Variants in CCDC7 observed in about 807,000 individuals in gnomAD.
The protein encoded by CCDC7 is coiled-coil domain containing 7.
Under a neutral mutation model 196.9 loss-of-function variants are expected in CCDC7, and 183 were observed. The observed-to-expected ratio is 0.93, with a 90% CI of 0.82 to 1.05. The LOEUF (loss-of-function observed/expected upper bound fraction) is 1.05. Among genes scored for constraint, CCDC7 ranks in the 50% least tolerant of loss-of-function variants. The pLI is 0.00. For synonymous variants in CCDC7, 525 were observed against 484.6 expected (o/e 1.08, Z -1.10); for missense variants, 1,540 against 1,482.2 (o/e 1.04, Z -0.64).
At chr10:32,671,699 C>T (rs1292017441) in intron 21 of CCDC7, among the ~76,000 whole-genome samples, 1 of 152,100 alleles carries the variant, frequency 6.6e-6, no homozygotes, top group Non-Finnish European at 1.5e-5. Context: ...GCAGCAGTCA[C>T]CTCTTGTAGC....
At chr10:32,503,264 AT>A (rs55644714) in intron 9 of CCDC7, among the ~76,000 whole-genome samples, 17,310 of 152,164 alleles carry the variant, frequency 0.11, 1,185 homozygotes, top group South Asian at 0.27. Flanking sequence ...GTTGAGTATA[AT>A]AATGTTAGCT....
chr10:32,754,618 A>C (rs2076130449), intron 28 of CCDC7, among the ~76,000 whole-genome samples: 1 of 152,216 alleles, frequency 6.6e-6, no homozygotes, highest in Non-Finnish European at 1.5e-5. Flanking sequence ...CTGCATATTA[A>C]AAAGCTGCAT....
At chr10:32,822,180 C>G (rs910710143) in intron 31 of CCDC7, among the ~76,000 whole-genome samples, 1 of 152,046 alleles carries the variant, frequency 6.6e-6, no homozygotes, top group African/African-American at 2.4e-5. Flanking sequence ...ATTTGAAGCC[C>G]CCTAAAAAAG....
At chr10:32,785,895 G>A (rs931856713) in intron 29 of CCDC7, among the ~76,000 whole-genome samples, 12 of 152,082 alleles carry the variant, frequency 7.9e-5, no homozygotes, top group Non-Finnish European at 1.5e-4. Context: ...GTTTCAGGGA[G>A]CTAGTCTTCG....
chr10:32,667,568 G>C (rs1053763538), intron 21 of CCDC7, among the ~76,000 whole-genome samples: 2 of 152,154 alleles, frequency 1.3e-5, no homozygotes, highest in Non-Finnish European at 2.9e-5. Context: ...AAGGGATCCA[G>C]TTTCAGCTTT....
At chr10:32,853,091 T>A (rs7901143) in intron 40 of CCDC7, among the ~76,000 whole-genome samples, 20,933 of 152,158 alleles carry the variant, frequency 0.14, 1,737 homozygotes, top group East Asian at 0.25. Context: ...TGGGGTTCAC[T>A]TGTTACTTCA....
intron 18 of CCDC7, among the ~76,000 whole-genome samples, chr10:32,589,783 C>T (rs1186263401): frequency 6.6e-6 from 1 of 152,154 alleles, no homozygotes; most frequent in African/African-American, 2.4e-5. Context: ...GCTAAATTTA[C>T]CCCTTTATCA....
At chr10:32,595,607 C>A (rs2138055355) in intron 18 of CCDC7, among the ~76,000 whole-genome samples, 1 of 152,184 alleles carries the variant, frequency 6.6e-6, no homozygotes, top group East Asian at 1.9e-4. Context: ...TTTGCTCTTG[C>A]TTCTCTAGTT....
At chr10:32,470,433 C>T (rs1418668188) in intron 5 of CCDC7, among the ~76,000 whole-genome samples, 1 of 152,150 alleles carries the variant, frequency 6.6e-6, no homozygotes, top group Non-Finnish European at 1.5e-5. Flanking sequence ...TTTTTGGACA[C>T]TCATTCTTGC....
chr10:32,676,018 T>C (rs997715670), intron 21 of CCDC7, among the ~76,000 whole-genome samples: 4 of 151,682 alleles, frequency 2.6e-5, no homozygotes, highest in African/African-American at 9.7e-5. Context: ...AAGAGCATGG[T>C]ACTGGTACCA....
In CCDC7 at chr10:32,508,021, G is replaced by A. The variant is rs536073019; in HGVS notation, c.873-9924G>A. On this transcript the variant is annotated intron_variant, in intron 9 of 41. Coordinates refer to ENST00000639629, the Ensembl canonical transcript of CCDC7. ...AATGTAGTACCAGAAGTCAAATGCA[G>A]TAGCCAAGCAATTAGTCAAGAAAAA... Among the ~76,000 whole-genome samples the A allele has an allele frequency of 3.5e-4, 54 of 152,318 alleles. 1 individual carries two copies. The South Asian group carries it at 0.011, about 30-fold the overall frequency.
chr10:32,527,480 T>C (rs780606613), intron 11 of CCDC7, among the ~76,000 whole-genome samples: 7 of 152,216 alleles, frequency 4.6e-5, no homozygotes, highest in Non-Finnish European at 8.8e-5. Context: ...TGTAGACTTC[T>C]ATTTTGCCAT....
intron 18 of CCDC7, among the ~76,000 whole-genome samples, chr10:32,599,996 C>G (rs2060826156): frequency 6.6e-6 from 1 of 151,982 alleles, no homozygotes; most frequent in Admixed American, 6.6e-5. Context: ...CTTTTCTGTT[C>G]CATTGGTCTA....
chr10:32,519,736 T>C (rs1471609273), intron 11 of CCDC7, among the ~76,000 whole-genome samples: 1 of 152,128 alleles, frequency 6.6e-6, no homozygotes, highest in Non-Finnish European at 1.5e-5. Context: ...AATCCAGTTA[T>C]ACTTTTTTAG....
rs190267163 is a variant in CCDC7 at position 32,779,150 on chromosome 10, T to C, written c.3013+66T>C. 2.3e-4 allele frequency: 274 copies of C among 1,200,552 alleles called. No individual in the cohort carries two copies. The Middle Eastern group carries it at 4.0e-3, about 18-fold the overall frequency. 74.4% of individuals were successfully genotyped at this position (1,200,552 alleles called of 1,614,324 possible). On this transcript the variant is annotated intron_variant, in intron 29 of 41. Coordinates refer to ENST00000639629, the Ensembl canonical transcript of CCDC7. Reference sequence around the variant, plus strand: ...TAAGAATTAAAATATTTCAACTGTATAGTTCTGTTAAAAAACAGGAAATTC... The same window carrying C: ...TAAGAATTAAAATATTTCAACTGTACAGTTCTGTTAAAAAACAGGAAATTC...
chr10:32,499,244 C>T (rs1412308068), intron 9 of CCDC7: 1 of 152,020 alleles, frequency 6.6e-6, no homozygotes, highest in Non-Finnish European at 1.5e-5. Context: ...ATCTTTCTTC[C>T]AGATTTGCAT....
chr10:32,728,822 GTACATATTA>G (rs1183481740), intron 26 of CCDC7, 56 bp from the exon 28 acceptor site: 20 of 826,758 alleles, frequency 2.4e-5, no homozygotes, highest in African/African-American at 2.1e-4. Context: ...TAAGAGAAAT[GTACATATTA>G]TACATTCATA....
At chr10:32,467,409 G>A (rs770390881) in intron 5 of CCDC7, among the ~76,000 whole-genome samples, 1 of 151,144 alleles carries the variant, frequency 6.6e-6, no homozygotes, top group Non-Finnish European at 1.5e-5. Flanking sequence ...ACTGCGCCCG[G>A]CCTTGTCCAC....
intron 41 of CCDC7, among the ~76,000 whole-genome samples, chr10:32,860,225 C>T (rs181204780): frequency 1.8e-4 from 27 of 152,206 alleles, no homozygotes; most frequent in Admixed American, 6.5e-4. Flanking sequence ...ACGATTAAGC[C>T]GGCTTCATCC....
Sources: allele counts gnomAD v4.1 joint callset (sites outside exome capture counted in the v4.1 genomes callset), GRCh38; gene constraint gnomAD v4.1.1; transcripts MANE v1.5; gene names NCBI Gene and HGNC (gene_info 2026-07-23, HGNC 2026-07-21).